CACNG3: variants seen among roughly 807,000 people sequenced by gnomAD.
CACNG3 encodes voltage-dependent calcium channel gamma-3 subunit.
A neutral mutation model predicts 28.5 loss-of-function variants in CACNG3; 3 were observed. The observed-to-expected ratio is 0.11, with a 90% CI of 0.05 to 0.27. The LOEUF is 0.27. Ranked by LOEUF, CACNG3 falls within the 10% of genes least tolerant of loss-of-function variation. CACNG3 has a pLI of 1.00. For synonymous variants in CACNG3, 174 were observed against 162.2 expected (o/e 1.07, Z -0.55); for missense variants, 236 against 414.4 (o/e 0.57, Z 3.74).
At chr16:24,291,514 G>A (rs80143415) in intron 1 of CACNG3, among the ~76,000 whole-genome samples, 2,307 of 152,248 alleles carry the variant, frequency 0.015, 70 homozygotes, top group African/African-American at 0.052. Flanking sequence ...AGAAGATGGA[G>A]GTGGGGGCAT....
Position 24,361,402 on chromosome 16 carries a change from G to A in CACNG3, c.487G>A (p.Asp163Asn). The A allele has an allele frequency of 6.2e-7, 1 of 1,612,890 alleles. No homozygotes were observed. Among genetic ancestry groups the A allele is most frequent in the Non-Finnish European group, 8.5e-7 (1 of 1,179,600 alleles). The stretch of plus-strand genomic sequence containing the variant: ...AGTTTATATATCAGCCAACGCCGGA[G>A]ACCCCGGGCAGCGTGACTCCAAAAA... The part of the protein sequence containing the change: ...IIVYISANAG[D>N]PGQRDSKKSY... The change falls in exon 4 of 4, where the codon GAC becomes AAC. Residue 163 changes from aspartate to asparagine, a missense_variant. By Grantham distance (23) the Asp-to-Asn change is conservative. This residue lies in a region of CACNG3 where 120 missense variants were observed against 263.4 expected (regional missense o/e 0.46). Transcript: ENST00000005284. The surrounding 1 kb of genome is among the most constrained non-coding windows in gnomAD (Gnocchi z 6.8).
chr16:24,355,024 CA>C, intron 3 of CACNG3, 51 bp downstream of exon 3: 3 of 1,571,834 alleles, frequency 1.9e-6, no homozygotes, highest in Non-Finnish European at 2.6e-6. Context: ...AAACTGAAGC[CA>C]GGGCCACATG....
At position 24,359,641 on chromosome 16, in the gene CACNG3, C is replaced by G. The variant is rs139191360; in HGVS notation, c.437-1711C>G. ...TTTTGAGAGGCCAGGGTGGGAGGAT[C>G]ACTTGAGGCCAGGAGTTCAAAACCA... On this transcript the variant is annotated intron_variant, in intron 3 of 3. Transcript: ENST00000005284. Among the ~76,000 whole-genome samples the G allele has an allele frequency of 5.9e-5, 9 of 152,006 alleles. No homozygotes were observed. The East Asian group carries it at 1.7e-3, about 29-fold the overall frequency.
In CACNG3 at chr16:24,330,121, C is replaced by G. The variant is rs142380784; in HGVS notation, c.212-16613C>G. Among the ~76,000 whole-genome samples, 149 of 152,276 alleles carry G rather than the reference C, an allele frequency of 9.8e-4. 5 individuals carry two copies. The East Asian group carries it at 0.027, about 28-fold the overall frequency. ...AGTTAAATGCCACGCAATGAGCATC[C>G]CTCACATCTGCTGGAGCATCCCAGT... On this transcript the variant is annotated intron_variant, in intron 1 of 3. Coordinates refer to ENST00000005284, the MANE Select transcript of CACNG3 (RefSeq NM_006539.4).
chr16:24,264,886 A>C (rs1277604934), intron 1 of CACNG3, among the ~76,000 whole-genome samples: 2 of 152,200 alleles, frequency 1.3e-5, no homozygotes, highest in African/African-American at 4.8e-5. Flanking sequence ...ATCCCACTAA[A>C]TTGAGACACA....
At chr16:24,355,055 G>A (rs1333443501) in intron 3 of CACNG3, 82 bp downstream of exon 3, 1 of 1,375,680 alleles carries the variant, frequency 7.3e-7, no homozygotes, top group Non-Finnish European at 1.0e-6. Flanking sequence ...ATGCTACTCA[G>A]GGCTCCCTCC....
At chr16:24,281,429 A>G (rs529522571) in intron 1 of CACNG3, among the ~76,000 whole-genome samples, 50 of 151,740 alleles carry the variant, frequency 3.3e-4, no homozygotes, top group African/African-American at 9.4e-4. Context: ...CTGCTCTCCA[A>G]CTCTTGAGCT....
intron 1 of CACNG3, among the ~76,000 whole-genome samples, chr16:24,296,575 A>C (rs1002965532): frequency 6.6e-6 from 1 of 152,162 alleles, no homozygotes; most frequent in Non-Finnish European, 1.5e-5. Context: ...CAGGTATTTC[A>C]GGACTAGAGA....
chr16:24,287,305 G>A (rs978000570), intron 1 of CACNG3, among the ~76,000 whole-genome samples: 12 of 151,744 alleles, frequency 7.9e-5, no homozygotes, highest in Non-Finnish European at 1.6e-4. Flanking sequence ...ATCACTTGAG[G>A]CCAGGAATTC....
At chr16:24,294,773 T>A (rs775580189) in intron 1 of CACNG3, among the ~76,000 whole-genome samples, 149 of 152,286 alleles carry the variant, frequency 9.8e-4, no homozygotes, top group African/African-American at 3.1e-3. Flanking sequence ...AAATTTGGAA[T>A]CTTGCCTGCC....
intron 1 of CACNG3, among the ~76,000 whole-genome samples, chr16:24,308,636 C>A (rs995883946): frequency 4.6e-5 from 7 of 151,914 alleles, no homozygotes; most frequent in Admixed American, 1.3e-4. Flanking sequence ...GAGAGGATCG[C>A]TTGTGCTCAG....
intron 1 of CACNG3, among the ~76,000 whole-genome samples, chr16:24,316,094 G>A (rs1899348346): frequency 6.6e-6 from 1 of 151,778 alleles, no homozygotes; most frequent in African/African-American, 2.4e-5. Flanking sequence ...ATTTCACAGA[G>A]GAGGAAGCTG....
chr16:24,355,328 A>G (rs898990768), intron 3 of CACNG3, among the ~76,000 whole-genome samples: 1 of 152,104 alleles, frequency 6.6e-6, no homozygotes, highest in Admixed American at 6.6e-5. Context: ...GAACTGATTG[A>G]CTGGGGAGGC....
intron 1 of CACNG3, among the ~76,000 whole-genome samples, chr16:24,302,722 C>A (rs1002544495): frequency 4.0e-5 from 6 of 151,734 alleles, no homozygotes; most frequent in Non-Finnish European, 1.5e-5. Context: ...GACAGTGGTG[C>A]AATCTCGGCT....
chr16:24,308,373 T>C (rs757200), intron 1 of CACNG3, among the ~76,000 whole-genome samples: 116,352 of 152,016 alleles, frequency 0.77, 45,517 homozygotes, highest in African/African-American at 0.94. Context: ...TGCAGCAATC[T>C]GAGGTGTGGA....
At chr16:24,327,413 A>AAT (rs1413232715) in intron 1 of CACNG3, among the ~76,000 whole-genome samples, 43 of 82,296 alleles carry the variant, frequency 5.2e-4, no homozygotes, top group African/African-American at 1.9e-3. Context: ...TGTTTCTACG[A>AAT]ATATATATAT....
chr16:24,353,268 C>G (rs1270078188), intron 2 of CACNG3, among the ~76,000 whole-genome samples: 1 of 152,246 alleles, frequency 6.6e-6, no homozygotes. Context: ...AGCCACCATG[C>G]CTGGCTAGGC....
At chr16:24,327,807 T>A (rs1899578255) in intron 1 of CACNG3, among the ~76,000 whole-genome samples, 1 of 151,636 alleles carries the variant, frequency 6.6e-6, no homozygotes, top group Admixed American at 6.6e-5. Context: ...TGGAGCATAG[T>A]GGTGAGCAAC....
chr16:24,337,111 G>C lies in CACNG3; in HGVS notation c.212-9623G>C, dbSNP rs79189498. 3.3e-5 allele frequency among the ~76,000 whole-genome samples: 5 copies of C among 152,300 alleles called. No individual in the cohort carries two copies. The East Asian group carries it at 9.7e-4, about 29-fold the overall frequency. The stretch of plus-strand genomic sequence containing the variant: ...TTACAGGTGTGAGCCACCATGCCCT[G>C]CAGGCATTAGGATTTCAAGATAGGA... On this transcript the variant is annotated intron_variant, in intron 1 of 3. Coordinates refer to ENST00000005284, the MANE Select transcript of CACNG3 (RefSeq NM_006539.4).
Sources: allele counts gnomAD v4.1 joint callset (sites outside exome capture counted in the v4.1 genomes callset), GRCh38; gene constraint gnomAD v4.1.1; regional missense constraint gnomAD v4.1.1; non-coding constraint Gnocchi (gnomAD v3.1); transcripts MANE v1.5; gene names NCBI Gene and HGNC (gene_info 2026-07-23, HGNC 2026-07-21).